The following FREM1 variants were observed in gnomAD, a reference collection of about 807,000 sequenced individuals.
FREM1 encodes FRAS1-related extracellular matrix protein 1.
Under a neutral mutation model 210.1 loss-of-function variants are expected in FREM1, and 220 were observed. The observed-to-expected ratio is 1.05, with a 90% CI of 0.94 to 1.17. FREM1 has a LOEUF of 1.17. Among genes scored for constraint, FREM1 ranks in the 50% most tolerant of loss-of-function variants. The pLI is 0.00. For synonymous variants in FREM1, 1,189 were observed against 980.2 expected (o/e 1.21, Z -3.98); for missense variants, 3,454 against 2,675.5 (o/e 1.29, Z -6.42).
chr9:14,792,970 C>A, intron 21 of FREM1, 86 bp from the exon 22 acceptor site: 2 of 752,956 alleles, frequency 2.7e-6, no homozygotes, highest in Non-Finnish European at 2.0e-6. Flanking sequence ...TCACAGTTCC[C>A]AATCTTCAAC....
chr9:14,755,490 C>G (rs1316578478), intron 29 of FREM1, among the ~76,000 whole-genome samples: 3 of 152,166 alleles, frequency 2.0e-5, no homozygotes, highest in African/African-American at 7.2e-5. Context: ...TTGCCACTCC[C>G]AAGCCCCCAC....
rs1025494587 is a variant in FREM1 at position 14,813,514 on chromosome 9, C to A, written c.2641-450G>T. ...TGATTACAAAGCTTTCCTCCACCCT[C>A]AACTTCCTGCCACCCAGGAAGTTTC... On this transcript the variant is annotated intron_variant, in intron 15 of 36. Transcript: ENST00000380880. Among the ~76,000 whole-genome samples the A allele has an allele frequency of 2.0e-5, 3 of 152,306 alleles. No homozygotes were observed. The South Asian group carries it at 6.2e-4, about 32-fold the overall frequency.
At position 14,841,560 on chromosome 9, in the gene FREM1, C is replaced by A; in HGVS notation, c.1768G>T (p.Asp590Tyr). The A allele has an allele frequency of 6.2e-7, 1 of 1,610,548 alleles. No homozygotes were observed. Among genetic ancestry groups the A allele is most frequent in the Non-Finnish European group, 8.5e-7 (1 of 1,177,526 alleles). The change falls in exon 10 of 37, where the codon GAT (aspartate) becomes TAT (tyrosine). Residue 590 changes from aspartate (D) to tyrosine (Y), a missense_variant. Transcript: ENST00000380880. ...GYPVHGFLQRDLFNGIIYYRH... is the reference protein window; with the variant it reads ...GYPVHGFLQRYLFNGIIYYRH... ...TAATAAATGATTCCATTAAACAAAT[C>A]CCTCTGAAGGAAGCCATGGACAGGA...
intron 24 of FREM1, among the ~76,000 whole-genome samples, chr9:14,781,219 T>C (rs1849596101): frequency 6.6e-6 from 1 of 152,150 alleles, no homozygotes; most frequent in East Asian, 1.9e-4. Context: ...TCTCGCAAGG[T>C]GGTGTCATAA....
rs1015301243 is a variant in FREM1 at position 14,823,359 on chromosome 9, G to A, written c.2170-32C>T. 6 of 1,595,562 alleles carry A rather than the reference G, an allele frequency of 3.8e-6. No individual in the cohort carries two copies. The Admixed American group carries it at 6.7e-5, about 18-fold the overall frequency. ...AGTAAGTTGAGATGGATATGTGGGT[G>A]CTGACTTGCAAGGATCAAAAGCTTT... On this transcript the variant is annotated intron_variant, in intron 12 of 36. Transcript: ENST00000380880.
At chr9:14,853,297 G>A (rs1470193004) in intron 5 of FREM1, among the ~76,000 whole-genome samples, 2 of 152,188 alleles carry the variant, frequency 1.3e-5, no homozygotes, top group Non-Finnish European at 2.9e-5. Flanking sequence ...GGCCTAGTGG[G>A]CAGAGGGCTG....
intron 27 of FREM1, among the ~76,000 whole-genome samples, chr9:14,767,243 G>C (rs1846599208): frequency 6.6e-6 from 1 of 152,142 alleles, no homozygotes; most frequent in Non-Finnish European, 1.5e-5. Flanking sequence ...GATCTATAAT[G>C]TACATGTTAA....
chr9:14,894,320 C>A (rs1200921806), intron 1 of FREM1, among the ~76,000 whole-genome samples: 1 of 152,160 alleles, frequency 6.6e-6, no homozygotes, highest in Non-Finnish European at 1.5e-5. Flanking sequence ...CAGAAGTAAA[C>A]AAAATTTCCT....
chr9:14,901,447 T>C (rs1317050600), intron 1 of FREM1, among the ~76,000 whole-genome samples: 1 of 152,196 alleles, frequency 6.6e-6, no homozygotes, highest in Non-Finnish European at 1.5e-5. Flanking sequence ...TGGACCTCAA[T>C]CTTGTTCGTT....
At chr9:14,826,135 C>T (rs1375731647) in intron 10 of FREM1, among the ~76,000 whole-genome samples, 1 of 146,796 alleles carries the variant, frequency 6.8e-6, no homozygotes, top group Non-Finnish European at 1.5e-5. Context: ...CACTGTCACA[C>T]AGGCTGGAGT....
intron 10 of FREM1, among the ~76,000 whole-genome samples, chr9:14,839,521 A>C (rs1825257981): frequency 6.6e-6 from 1 of 152,198 alleles, no homozygotes; most frequent in African/African-American, 2.4e-5. Context: ...ACATAAATTA[A>C]GAAGATGAAA....
At chr9:14,811,000 T>A (rs149879140) in intron 16 of FREM1, among the ~76,000 whole-genome samples, 3 of 152,150 alleles carry the variant, frequency 2.0e-5, no homozygotes, top group Non-Finnish European at 2.9e-5. Flanking sequence ...AATCAACACG[T>A]AGAAGCAAGA....
At chr9:14,814,373 G>A (rs1819922478) in intron 15 of FREM1, among the ~76,000 whole-genome samples, 1 of 152,076 alleles carries the variant, frequency 6.6e-6, no homozygotes, top group Admixed American at 6.5e-5. Context: ...TCTGGCCTAA[G>A]GCTTGGCAAA....
At chr9:14,791,161 G>A (rs184272027) in intron 22 of FREM1, 6 of 152,294 alleles carry the variant, frequency 3.9e-5, no homozygotes, top group Admixed American at 3.9e-4. Flanking sequence ...TTACTCAACT[G>A]ACCTTCTCAG....
At chr9:14,897,317 G>A (rs905682431) in intron 1 of FREM1, among the ~76,000 whole-genome samples, 2 of 152,070 alleles carry the variant, frequency 1.3e-5, no homozygotes, top group African/African-American at 4.8e-5. Context: ...CTTAACTAAA[G>A]TACCTCATAT....
chr9:14,796,955 G>T (rs911973503), intron 21 of FREM1, among the ~76,000 whole-genome samples: 2 of 152,198 alleles, frequency 1.3e-5, no homozygotes, highest in African/African-American at 4.8e-5. Flanking sequence ...TTTAGAAAAT[G>T]ATGATTTCGA....
At position 14,894,883 on chromosome 9, in the gene FREM1, T is replaced by C. The variant is rs548929575; in HGVS notation, c.-268+15031A>G. ...GGACACAGTTGGAGAAATTGGTTAT[T>C]TTACCAAGGCTTTGACTGGAATGGT... On this transcript the variant is annotated intron_variant, in intron 1 of 36. Coordinates refer to ENST00000380880, the MANE Select transcript of FREM1 (RefSeq NM_001379081.2). Among the ~76,000 whole-genome samples, 3 of 152,352 alleles carry C rather than the reference T, an allele frequency of 2.0e-5. No homozygotes were observed. The East Asian group carries it at 5.8e-4, about 29-fold the overall frequency.
At chr9:14,784,330 A>G (rs1470535465) in intron 24 of FREM1, 40 bp downstream of exon 24, 1 of 1,582,494 alleles carries the variant, frequency 6.3e-7, no homozygotes, top group Admixed American at 1.7e-5. Context: ...TGTAAGTATT[A>G]ATCCAAAGAA....
At chr9:14,762,864 T>A (rs781762776) in intron 27 of FREM1, among the ~76,000 whole-genome samples, 10 of 150,838 alleles carry the variant, frequency 6.6e-5, no homozygotes, top group African/African-American at 9.8e-5. Context: ...AAATAAGAGA[T>A]GTAGTCAATC....
Sources: gnomAD v4.1 joint callset for allele counts (sites outside exome capture counted in the v4.1 genomes callset) on GRCh38, gnomAD v4.1.1 for gene constraint, MANE v1.5 for transcripts, NCBI Gene and HGNC (gene_info 2026-07-23, HGNC 2026-07-21) for gene names.